The following CSMD2 variants were observed in gnomAD, a reference collection of about 807,000 sequenced individuals.
CSMD2 encodes the protein CUB and sushi domain-containing protein 2.
Under a neutral mutation model 398.5 loss-of-function variants are expected in CSMD2, and 130 were observed. The observed-to-expected ratio is 0.33, with a 90% confidence interval of 0.28 to 0.38. The LOEUF (loss-of-function observed/expected upper bound fraction) is 0.38, where lower values mean the gene tolerates loss of function less well. CSMD2 is among the 10% of genes least tolerant of loss of function. CSMD2 has a pLI of 1.00. For missense variants in CSMD2, 3,829 were observed against 4,764.9 expected, an observed-to-expected ratio of 0.80 and a Z score of 5.78; for synonymous variants, 1,828 against 1,908.5, an observed-to-expected ratio of 0.96 and a Z score of 1.10.
At chr1:34,117,217 G>A (rs1661691936) in intron 1 of CSMD2, among the ~76,000 whole-genome samples, 1 of 150,092 alleles carries the variant, frequency 6.7e-6, no homozygotes, top group African/African-American at 2.5e-5. Flanking sequence ...TTTTTTCTTA[G>A]TTAGACTAGC....
At position 33,963,059 on chromosome 1, in the gene CSMD2, G is replaced by A. The variant is rs55960141; in HGVS notation, c.518-27105C>T. Among the ~76,000 whole-genome samples the A allele has an allele frequency of 6.7e-3, 1,015 of 152,334 alleles. 10 individuals carry two copies. Among genetic ancestry groups the A allele is most frequent in the African/African-American group, 0.023 (940 of 41,576 alleles). ...TGAAGAGCAGGTGTCACCTGCCTGA[G>A]AGTGCAGATCTTGCTGTCAAAAGAT... On this transcript the variant is annotated intron_variant, in intron 3 of 70. Coordinates refer to ENST00000373381, the MANE Select transcript of CSMD2 (RefSeq NM_001281956.2).
At chr1:33,599,771 T>A (rs1233131653) in intron 44 of CSMD2, 2 of 180,350 alleles carry the variant, frequency 1.1e-5, no homozygotes, top group African/African-American at 4.7e-5. Context: ...CCCTGGACGA[T>A]AGCTCCTGGG....
intron 26 of CSMD2, among the ~76,000 whole-genome samples, chr1:33,659,541 A>G (rs1463225638): frequency 1.3e-5 from 2 of 152,276 alleles, no homozygotes; most frequent in Non-Finnish European, 1.5e-5. Flanking sequence ...CTAAAACAAA[A>G]GAATTTATTC....
intron 5 of CSMD2, among the ~76,000 whole-genome samples, chr1:33,913,362 C>T (rs528131207): frequency 6.6e-6 from 1 of 152,314 alleles, no homozygotes; most frequent in East Asian, 1.9e-4. Context: ...CAGGCTGTGC[C>T]TTTCTGCTGG....
chr1:33,923,693 A>G (rs1279315866), intron 4 of CSMD2, among the ~76,000 whole-genome samples: 1 of 152,198 alleles, frequency 6.6e-6, no homozygotes, highest in African/African-American at 2.4e-5. Flanking sequence ...TGTTTTAACT[A>G]TAGTCACCAT....
At chr1:34,018,295 T>C (rs1405733989) in intron 3 of CSMD2, among the ~76,000 whole-genome samples, 3 of 152,240 alleles carry the variant, frequency 2.0e-5, no homozygotes, top group African/African-American at 7.2e-5. Context: ...ATGCCCCTAC[T>C]GTTGGACATT....
chr1:33,525,256 C>T (rs1038480625), intron 65 of CSMD2, among the ~76,000 whole-genome samples: 1 of 152,180 alleles, frequency 6.6e-6, no homozygotes, highest in Non-Finnish European at 1.5e-5. Context: ...CTCCCATGTT[C>T]ATCGCAGCAT....
rs1324535397 is a variant in CSMD2 at position 34,165,201 on chromosome 1, G to A, written c.-104C>T. On this transcript the variant is annotated 5_prime_UTR_variant, in exon 1 of 71. Coordinates refer to ENST00000373381, the MANE Select transcript of CSMD2 (RefSeq NM_001281956.2). ...TTCTGCTCGGAAAAAATCCCGGTAC[G>A]CGGGAGCCCTGAGCTTCTGCGGCTG... 7.7e-6 allele frequency: 9 copies of A among 1,163,442 alleles called. No homozygotes were observed. The East Asian group carries it at 2.8e-4, about 36-fold the overall frequency. 72.1% of individuals were successfully genotyped at this position (1,163,442 alleles called of 1,614,324 possible).
chr1:34,038,842 C>T (rs1054188129), intron 2 of CSMD2, among the ~76,000 whole-genome samples: 7 of 152,164 alleles, frequency 4.6e-5, no homozygotes, highest in Admixed American at 1.3e-4. Context: ...ACCATGCATC[C>T]ATGTTCTAAA....
intron 1 of CSMD2, among the ~76,000 whole-genome samples, chr1:34,117,663 A>G (rs1192034150): frequency 6.6e-6 from 1 of 152,120 alleles, no homozygotes. Context: ...AAAAAAGAAA[A>G]CAAACAAACA....
At chr1:33,562,974 C>T (rs969130090) in intron 53 of CSMD2, among the ~76,000 whole-genome samples, 10 of 152,216 alleles carry the variant, frequency 6.6e-5, no homozygotes, top group African/African-American at 2.4e-5. Flanking sequence ...TCTCTATACA[C>T]ACCTCCTATT....
chr1:34,146,487 C>A (rs1380499817), intron 1 of CSMD2, among the ~76,000 whole-genome samples: 1 of 152,196 alleles, frequency 6.6e-6, no homozygotes, highest in Non-Finnish European at 1.5e-5. Flanking sequence ...CTGACTGAAG[C>A]AGGAACCACC....
At chr1:33,827,175 G>A (rs1658925312) in intron 6 of CSMD2, among the ~76,000 whole-genome samples, 2 of 152,134 alleles carry the variant, frequency 1.3e-5, no homozygotes, top group Admixed American at 6.5e-5. Context: ...CTTAGCACAA[G>A]AACCAGAGGG....
chr1:34,006,427 C>A (rs1647058540), intron 3 of CSMD2, among the ~76,000 whole-genome samples: 1 of 152,154 alleles, frequency 6.6e-6, no homozygotes, highest in Admixed American at 6.5e-5. Flanking sequence ...CCCCAGATCT[C>A]ATTACCTGAC....
At chr1:33,832,670 T>C (rs1280549701) in intron 6 of CSMD2, among the ~76,000 whole-genome samples, 1 of 150,234 alleles carries the variant, frequency 6.7e-6, no homozygotes, top group Non-Finnish European at 1.5e-5. Flanking sequence ...CTGTAGGAAA[T>C]AGAGACACAA....
rs948156492 is a variant in CSMD2, at chr1:33,624,771, C to T, written c.5501-128G>A. 1.0e-4 allele frequency: 130 copies of T among 1,259,088 alleles called. No homozygotes were observed. The highest frequency in any genetic ancestry group is 1.2e-4 in the Non-Finnish European group (110 of 922,240). 78.0% of individuals were successfully genotyped at this position (1,259,088 alleles called of 1,614,324 possible). Reference sequence around the variant, plus strand: ...CCCATGGGGGTGTCTCCCTAATGTCCCCAGTCCTGCCTTCTCCACGGCCTC... The same window carrying T: ...CCCATGGGGGTGTCTCCCTAATGTCTCCAGTCCTGCCTTCTCCACGGCCTC... On this transcript the variant is annotated intron_variant, in intron 34 of 70. Transcript: ENST00000373381. The surrounding 1 kb of genome is among the most constrained non-coding windows in gnomAD (Gnocchi z 4.7).
chr1:34,000,174 TAAAAC>T (rs1646855413), intron 3 of CSMD2, among the ~76,000 whole-genome samples: 1 of 152,134 alleles, frequency 6.6e-6, no homozygotes, highest in Non-Finnish European at 1.5e-5. Flanking sequence ...GAAATTTTCT[TAAAAC>T]AAAGTATCTC....
chr1:33,526,284 T>C (rs951496373), intron 65 of CSMD2, among the ~76,000 whole-genome samples: 2 of 152,072 alleles, frequency 1.3e-5, no homozygotes, highest in African/African-American at 4.8e-5. Context: ...GCATGGTGAA[T>C]TGGAACATGG....
At chr1:33,821,848 T>C (rs1184548239) in intron 7 of CSMD2, among the ~76,000 whole-genome samples, 1 of 152,076 alleles carries the variant, frequency 6.6e-6, no homozygotes, top group African/African-American at 2.4e-5. Flanking sequence ...GCATCGAACA[T>C]GGACCTTCTG....
Sources: gnomAD v4.1 joint callset for allele counts (sites outside exome capture counted in the v4.1 genomes callset) on GRCh38, gnomAD v4.1.1 for gene constraint, Gnocchi (gnomAD v3.1) non-coding constraint, MANE v1.5 for transcripts, NCBI Gene and HGNC (gene_info 2026-07-23, HGNC 2026-07-21) for gene names.